The following HDAC4 variants were observed in gnomAD, a reference collection of about 807,000 sequenced individuals.
HDAC4 encodes histone deacetylase 4, also known as histone deacetylase A.
In HDAC4, 16 loss-of-function variants were observed where a neutral mutation model predicts 135.1. The observed-to-expected ratio is 0.12, with a 90% confidence interval of 0.08 to 0.18. The LOEUF is 0.18. Ranked by LOEUF, HDAC4 falls within the 10% of genes least tolerant of loss-of-function variation. The pLI is 1.00. For missense variants in HDAC4, 1,143 were observed against 1,511.8 expected, an observed-to-expected ratio of 0.76 and a Z score of 4.05; for synonymous variants, 685 against 653.4, an observed-to-expected ratio of 1.05 and a Z score of -0.74.
At chr2:239,324,723 G>A (rs2053419335) in intron 2 of HDAC4, among the ~76,000 whole-genome samples, 1 of 152,224 alleles carries the variant, frequency 6.6e-6, no homozygotes. Context: ...GGAAACCCTG[G>A]TCAGTTGTTG....
chr2:239,179,066 G>A (rs532207187), intron 4 of HDAC4, among the ~76,000 whole-genome samples: 1 of 151,778 alleles, frequency 6.6e-6, no homozygotes, highest in East Asian at 2.0e-4. Context: ...GTGTGCGTGC[G>A]AGGCAGCCAC....
rs184037065 is a variant in HDAC4 at position 239,101,069 on chromosome 2, C to T, written c.2233+1707G>A. Among the ~76,000 whole-genome samples, 43 of 152,242 alleles carry T rather than the reference C, an allele frequency of 2.8e-4. 1 individual carries two copies. The East Asian group carries it at 7.0e-3, about 25-fold the overall frequency. ...AGCTGTCGGAGTCTGTGGGGTGGGT[C>T]GGTGGCCCTTGTCCCCGGCACTAGC... On this transcript the variant is annotated intron_variant, in intron 16 of 26. Coordinates refer to ENST00000543185, the MANE Select transcript of HDAC4 (RefSeq NM_001378414.1).
intron 3 of HDAC4, among the ~76,000 whole-genome samples, chr2:239,220,331 C>T (rs560039901): frequency 7.9e-5 from 12 of 152,232 alleles, no homozygotes; most frequent in African/African-American, 2.2e-4. Flanking sequence ...TGAATAGCTG[C>T]CTACATGTAA....
intron 11 of HDAC4, among the ~76,000 whole-genome samples, chr2:239,128,433 G>A (rs1231628678): frequency 6.6e-6 from 1 of 151,922 alleles, no homozygotes; most frequent in African/African-American, 2.4e-5. Flanking sequence ...GGAGGCTGAG[G>A]CAGAAGAATT....
At chr2:239,249,309 C>T (rs1204622163) in intron 2 of HDAC4, among the ~76,000 whole-genome samples, 6 of 152,128 alleles carry the variant, frequency 3.9e-5, no homozygotes, top group African/African-American at 1.4e-4. Flanking sequence ...GAGTGTCGCC[C>T]AGGGCGGGGA....
In HDAC4 at chr2:239,113,061, CA is replaced by C. The variant is rs531805237; in HGVS notation, c.1792-1350del. Among the ~76,000 whole-genome samples, 10 of 151,996 alleles carry C rather than the reference CA, an allele frequency of 6.6e-5. No individual in the cohort carries two copies. In the South Asian group the frequency reaches 1.7e-3, roughly 25 times the overall value. ...CCAAAATGGTGAAACCCCATCTCTCCAAAAAAACAAACAAACAAAACAAACA... is the reference window on the plus strand; with the variant it reads ...CCAAAATGGTGAAACCCCATCTCTCCAAAAAACAAACAAACAAAACAAACA... On this transcript the variant is annotated intron_variant, in intron 13 of 26. Transcript: ENST00000543185.
At chr2:239,089,647 C>T (rs983251968) in intron 18 of HDAC4, 16 of 187,638 alleles carry the variant, frequency 8.5e-5, no homozygotes, top group Admixed American at 1.1e-4. Context: ...AATTAATAAA[C>T]ATTTTGAAAA....
At chr2:239,059,440 T>G (rs1371753446) in intron 24 of HDAC4, among the ~76,000 whole-genome samples, 3 of 151,050 alleles carry the variant, frequency 2.0e-5, no homozygotes, top group Non-Finnish European at 4.4e-5. Flanking sequence ...TTCGGGGGGG[T>G]ACACAGGGAC....
At chr2:239,250,653 C>G (rs1310544146) in intron 2 of HDAC4, among the ~76,000 whole-genome samples, 1 of 152,228 alleles carries the variant, frequency 6.6e-6, no homozygotes, top group Non-Finnish European at 1.5e-5. Flanking sequence ...GGCATCGGGC[C>G]TCCTTTAGAG....
intron 2 of HDAC4, among the ~76,000 whole-genome samples, chr2:239,350,507 G>C (rs1693058878): frequency 6.6e-6 from 1 of 151,978 alleles, no homozygotes; most frequent in Non-Finnish European, 1.5e-5. Context: ...ATATAAATGA[G>C]AGAACTTTTT....
chr2:239,268,563 G>A (rs954585373), intron 2 of HDAC4, among the ~76,000 whole-genome samples: 1 of 152,176 alleles, frequency 6.6e-6, no homozygotes, highest in Non-Finnish European at 1.5e-5. Context: ...CAGTACAATC[G>A]GTTTGGTGCT....
chr2:239,154,167 G>A (rs776028925), intron 7 of HDAC4, among the ~76,000 whole-genome samples: 8 of 152,078 alleles, frequency 5.3e-5, no homozygotes. Flanking sequence ...TCCTTTCCTG[G>A]GGCCCTTGGT....
At chr2:239,151,126 G>A (rs2042092723) in intron 7 of HDAC4, among the ~76,000 whole-genome samples, 1 of 152,232 alleles carries the variant, frequency 6.6e-6, no homozygotes, top group Non-Finnish European at 1.5e-5. Context: ...AACACACTCT[G>A]TCCTATTTCA....
chr2:239,263,471 C>T (rs1330908011), intron 2 of HDAC4, among the ~76,000 whole-genome samples: 1 of 152,184 alleles, frequency 6.6e-6, no homozygotes, highest in Admixed American at 6.5e-5. Flanking sequence ...GGTGTGGAGG[C>T]GTCCACGTCT....
At chr2:239,116,461 G>C (rs1211922654) in intron 12 of HDAC4, among the ~76,000 whole-genome samples, 1 of 152,224 alleles carries the variant, frequency 6.6e-6, no homozygotes, top group Non-Finnish European at 1.5e-5. Flanking sequence ...TTGCTCACGA[G>C]AAACGCCTCT....
intron 6 of HDAC4, among the ~76,000 whole-genome samples, chr2:239,158,724 G>T (rs912271770): frequency 6.6e-6 from 1 of 151,968 alleles, no homozygotes; most frequent in Admixed American, 6.6e-5. Context: ...GCCCCACCGC[G>T]CACCCGCCCT....
At chr2:239,169,525 A>G (rs951598014) in intron 5 of HDAC4, among the ~76,000 whole-genome samples, 2 of 152,206 alleles carry the variant, frequency 1.3e-5, no homozygotes, top group African/African-American at 4.8e-5. Context: ...AGCCCCTAAG[A>G]TACTCAGATT....
At chr2:239,371,265 ACACT>A (rs1188659720) in intron 1 of HDAC4, among the ~76,000 whole-genome samples, 8 of 152,182 alleles carry the variant, frequency 5.3e-5, no homozygotes, top group Non-Finnish European at 8.8e-5. Context: ...TCAAACTCAC[ACACT>A]CAATCACATA....
chr2:239,175,358 C>T (rs949731294), intron 5 of HDAC4, among the ~76,000 whole-genome samples: 8 of 152,260 alleles, frequency 5.3e-5, no homozygotes, highest in African/African-American at 1.9e-4. Flanking sequence ...AGGGCTCAGA[C>T]ACACTGGCGA....
Sources: gnomAD v4.1 joint callset for allele counts (sites outside exome capture counted in the v4.1 genomes callset) on GRCh38, gnomAD v4.1.1 for gene constraint, MANE v1.5 for transcripts, NCBI Gene and HGNC (gene_info 2026-07-23, HGNC 2026-07-21) for gene names.